MLLT10: variants seen among roughly 807,000 people sequenced by gnomAD.
The protein encoded by MLLT10 is MLLT10 histone lysine methyltransferase DOT1L cofactor, also known as protein AF-10.
In MLLT10, 30 loss-of-function variants were observed where a neutral mutation model predicts 129.1. The ratio of observed to expected loss-of-function variants is 0.23; its 90% CI spans 0.17 to 0.32. The LOEUF is 0.32. Among genes scored for constraint, MLLT10 ranks in the 10% least tolerant of loss-of-function variants. The pLI, the probability that MLLT10 is intolerant of heterozygous loss-of-function variation, is 1.00. For synonymous variants in MLLT10, 490 were observed against 446.4 expected (o/e 1.10, Z -1.23); for missense variants, 1,119 against 1,268.3 (o/e 0.88, Z 1.79).
chr10:21,719,233 C>T (rs961097967), intron 14 of MLLT10, among the ~76,000 whole-genome samples: 4 of 152,098 alleles, frequency 2.6e-5, no homozygotes, highest in Non-Finnish European at 5.9e-5. Context: ...AAAATGGTTT[C>T]GTTTCTCAGG....
chr10:21,549,216 C>T lies in MLLT10; in HGVS notation c.240+10304C>T, dbSNP rs141659041. On this transcript the variant is annotated intron_variant, in intron 3 of 22. Transcript: ENST00000307729. ...TCGGCTCACTGCAACCTGCACCTCC[C>T]GGATTCAAGCAGTTCTCCTGCCTCA... Among the ~76,000 whole-genome samples the T allele has an allele frequency of 2.3e-3, 347 of 151,732 alleles. 1 individual carries two copies. The highest frequency in any genetic ancestry group is 7.8e-3 in the African/African-American group (322 of 41,338).
chr10:21,686,782 G>C (rs1408400985), intron 13 of MLLT10, among the ~76,000 whole-genome samples: 1 of 152,096 alleles, frequency 6.6e-6, no homozygotes, highest in South Asian at 2.1e-4. Flanking sequence ...AGGAGTTTGA[G>C]ACCAGCCTGC....
rs2045069487 is a variant in MLLT10 at position 21,614,827 on chromosome 10, T to G, written c.510-4T>G. Reference sequence around the variant, plus strand: ...CAATAAATATACTTGGCTTTTATTTTCAGCGCTCAGTTTGCCGGACTGCTT... The same window carrying G: ...CAATAAATATACTTGGCTTTTATTTGCAGCGCTCAGTTTGCCGGACTGCTT... On this transcript the variant is annotated splice_region_variant and splice_polypyrimidine_tract_variant and intron_variant, in intron 6 of 22. Transcript: ENST00000307729. 6.2e-7 allele frequency: 1 copy of G among 1,609,538 alleles called. No individual in the cohort carries two copies. The highest frequency in any genetic ancestry group is 8.5e-7 in the Non-Finnish European group (1 of 1,178,880).
chr10:21,698,317 G>A (rs1346833350), intron 13 of MLLT10, among the ~76,000 whole-genome samples: 1 of 151,996 alleles, frequency 6.6e-6, no homozygotes, highest in Non-Finnish European at 1.5e-5. Context: ...GAGCACATGT[G>A]GTATTTGTCT....
intron 3 of MLLT10, among the ~76,000 whole-genome samples, chr10:21,542,568 C>T (rs1311056703): frequency 6.6e-6 from 1 of 151,896 alleles, no homozygotes; most frequent in African/African-American, 2.4e-5. Flanking sequence ...AACTCTGTCT[C>T]AAAAAAATAT....
chr10:21,639,224 G>A (rs2047747422), intron 8 of MLLT10, among the ~76,000 whole-genome samples: 1 of 152,130 alleles, frequency 6.6e-6, no homozygotes, highest in African/African-American at 2.4e-5. Flanking sequence ...TAAATGTATG[G>A]GGATTTCTCC....
At chr10:21,693,487 G>GA (rs142453572) in intron 13 of MLLT10, among the ~76,000 whole-genome samples, 4,506 of 150,064 alleles carry the variant, frequency 0.03, 210 homozygotes, top group African/African-American at 0.1. Flanking sequence ...CCTCCACAGA[G>GA]AAAAAAAAAC....
intron 9 of MLLT10, among the ~76,000 whole-genome samples, chr10:21,662,484 G>A (rs570977039): frequency 1.3e-5 from 2 of 151,652 alleles, no homozygotes; most frequent in South Asian, 2.1e-4. Flanking sequence ...TTTTTCTTGA[G>A]TTGTGTCCCA....
At chr10:21,700,412 G>T (rs761265700) in intron 13 of MLLT10, among the ~76,000 whole-genome samples, 1 of 152,290 alleles carries the variant, frequency 6.6e-6, no homozygotes, top group East Asian at 1.9e-4. Context: ...TTGAATAAGA[G>T]TTGTGAAGGT....
At chr10:21,708,553 CTG>C (rs2055757270) in intron 13 of MLLT10, 1 of 982,856 alleles carries the variant, frequency 1.0e-6, no homozygotes. Context: ...ACATTTTGCT[CTG>C]TTTTTTTTGT....
intron 8 of MLLT10, among the ~76,000 whole-genome samples, chr10:21,646,894 C>T (rs1454829228): frequency 6.8e-6 from 1 of 147,838 alleles, no homozygotes; most frequent in African/African-American, 2.5e-5. Context: ...CTCGCTCTGT[C>T]GCCCAGGCTG....
chr10:21,534,849 C>G (rs771330951), intron 2 of MLLT10, 45 bp downstream of exon 2: 145 of 1,438,404 alleles, frequency 1.0e-4, no homozygotes, highest in Non-Finnish European at 1.3e-4. Context: ...CTGCGCCCAA[C>G]GGTCACCGCC....
chr10:21,714,001 T>C (rs1020122333), intron 14 of MLLT10, 51 bp downstream of exon 14: 42 of 1,501,930 alleles, frequency 2.8e-5, no homozygotes, highest in Admixed American at 1.5e-4. Flanking sequence ...TTCTCATTTT[T>C]AAAGTGAGTT....
intron 10 of MLLT10, among the ~76,000 whole-genome samples, chr10:21,672,445 A>G (rs1371999679): frequency 6.6e-6 from 1 of 152,088 alleles, no homozygotes; most frequent in African/African-American, 2.4e-5. Flanking sequence ...AGCTGGGATT[A>G]GAGGCACACG....
At chr10:21,576,862 C>T (rs1210204188) in intron 3 of MLLT10, among the ~76,000 whole-genome samples, 2 of 151,250 alleles carry the variant, frequency 1.3e-5, no homozygotes, top group Non-Finnish European at 3.0e-5. Context: ...AACTCGCGAC[C>T]TCAGGTGAAT....
rs541998841 is a variant in MLLT10 at position 21,595,223 on chromosome 10, G to A, written c.296-108G>A. On this transcript the variant is annotated intron_variant, in intron 4 of 22. Coordinates refer to ENST00000307729, the MANE Select transcript of MLLT10 (RefSeq NM_001195626.3). ...GCAATGAGAATTTGTTAATGTCCTT[G>A]TTGTGCATTTATTTCAATAGACATT... is the stretch of plus-strand genomic sequence containing the variant. 2.6e-4 allele frequency: 185 copies of A among 706,090 alleles called. 3 individuals are homozygous for A. The South Asian group carries it at 4.1e-3, about 16-fold the overall frequency. The allele number at this position is 706,090 out of a possible 1,614,324, so 43.7% of individuals were successfully genotyped here. A position where few individuals can be genotyped will look rare whatever the true frequency, so the allele number is the denominator to read the frequency against.
chr10:21,676,021 A>T (rs945458730), intron 11 of MLLT10, among the ~76,000 whole-genome samples: 1 of 152,160 alleles, frequency 6.6e-6, no homozygotes, highest in Non-Finnish European at 1.5e-5. Flanking sequence ...CTCTTACCTT[A>T]CCATTAGGTA....
chr10:21,701,240 TC>T (rs2054876295), intron 13 of MLLT10, among the ~76,000 whole-genome samples: 1 of 151,880 alleles, frequency 6.6e-6, no homozygotes, highest in Non-Finnish European at 1.5e-5. Flanking sequence ...TAGCAGTTCA[TC>T]AATTTTGTTT....
At chr10:21,653,452 G>T (rs2049252231) in intron 9 of MLLT10, among the ~76,000 whole-genome samples, 1 of 152,118 alleles carries the variant, frequency 6.6e-6, no homozygotes, top group South Asian at 2.1e-4. Context: ...CCATCTCATA[G>T]GTAGCAATGG....
Sources: allele counts gnomAD v4.1 joint callset (sites outside exome capture counted in the v4.1 genomes callset), GRCh38; gene constraint gnomAD v4.1.1; transcripts MANE v1.5; gene names NCBI Gene and HGNC (gene_info 2026-07-23, HGNC 2026-07-21).